NALF1: variants seen among roughly 807,000 people sequenced by gnomAD.
The protein encoded by NALF1 is family with sequence similarity 155 member A.
Under a neutral mutation model 48.4 loss-of-function variants are expected in NALF1, and 3 were observed. That is an observed-to-expected ratio of 0.06 (90% confidence interval 0.03 to 0.16). The LOEUF (loss-of-function observed/expected upper bound fraction) is 0.16, where lower values mean the gene tolerates loss of function less well. Among genes scored for constraint, NALF1 ranks in the 10% least tolerant of loss-of-function variants. The pLI is 1.00. For synonymous variants in NALF1, 262 were observed against 245.7 expected (o/e 1.07, Z -0.62); for missense variants, 526 against 571.5 (o/e 0.92, Z 0.81).
intron 1 of NALF1, among the ~76,000 whole-genome samples, chr13:107,677,632 G>T (rs1003136561): frequency 2.6e-5 from 4 of 152,110 alleles, no homozygotes; most frequent in Non-Finnish European, 4.4e-5. Flanking sequence ...CACTTCTTAT[G>T]AGAACATGTA....
At chr13:107,418,207 G>A (rs1034148635) in intron 1 of NALF1, among the ~76,000 whole-genome samples, 1 of 152,072 alleles carries the variant, frequency 6.6e-6, no homozygotes, top group African/African-American at 2.4e-5. Flanking sequence ...GTGCTCTTTG[G>A]AGACTATCCC....
chr13:107,341,368 G>C (rs762044532), intron 1 of NALF1, among the ~76,000 whole-genome samples: 1 of 152,066 alleles, frequency 6.6e-6, no homozygotes, highest in Non-Finnish European at 1.5e-5. Flanking sequence ...GTGTGTGTGT[G>C]TGTACATATG....
At chr13:107,601,864 G>A (rs1419077010) in intron 1 of NALF1, among the ~76,000 whole-genome samples, 1 of 151,948 alleles carries the variant, frequency 6.6e-6, no homozygotes, top group Admixed American at 6.6e-5. Flanking sequence ...CCCAATATCA[G>A]TTTTACCCAA....
chr13:107,572,109 AAAT>A (rs1878003529), intron 1 of NALF1, among the ~76,000 whole-genome samples: 1 of 152,330 alleles, frequency 6.6e-6, no homozygotes, highest in East Asian at 1.9e-4. Flanking sequence ...GATAATTGAT[AAAT>A]AATATAATTG....
chr13:107,540,412 T>C (rs1876967796), intron 1 of NALF1, among the ~76,000 whole-genome samples: 1 of 152,140 alleles, frequency 6.6e-6, no homozygotes, highest in Non-Finnish European at 1.5e-5. Flanking sequence ...TAAACAACAT[T>C]TAAATTTCTA....
intron 1 of NALF1, among the ~76,000 whole-genome samples, chr13:107,316,546 C>G (rs572160008): frequency 6.6e-6 from 1 of 152,280 alleles, no homozygotes; most frequent in South Asian, 2.1e-4. Flanking sequence ...TCTCCACATC[C>G]TCTCCAGCAC....
At chr13:107,218,437 G>A (rs1462950535) in intron 1 of NALF1, among the ~76,000 whole-genome samples, 4 of 152,108 alleles carry the variant, frequency 2.6e-5, no homozygotes, top group African/African-American at 9.7e-5. Flanking sequence ...TGGCCTTTGG[G>A]CTTGCATAAT....
chr13:107,341,550 G>A (rs1470988027), intron 1 of NALF1, among the ~76,000 whole-genome samples: 1 of 151,816 alleles, frequency 6.6e-6, no homozygotes, highest in African/African-American at 2.4e-5. Context: ...TACTCATGGA[G>A]GTGGTGAGGA....
intron 1 of NALF1, among the ~76,000 whole-genome samples, chr13:107,459,628 A>G (rs1167914619): frequency 6.6e-6 from 1 of 152,216 alleles, no homozygotes; most frequent in African/African-American, 2.4e-5. Flanking sequence ...TTCAAGATAA[A>G]AAAGCCACAC....
intron 1 of NALF1, among the ~76,000 whole-genome samples, chr13:107,744,166 G>C (rs1382487576): frequency 6.6e-6 from 1 of 152,204 alleles, no homozygotes; most frequent in Non-Finnish European, 1.5e-5. Context: ...AGACCTTTGA[G>C]TCAGACAGAC....
intron 1 of NALF1, among the ~76,000 whole-genome samples, chr13:107,734,891 G>A (rs531646846): frequency 5.5e-4 from 84 of 152,168 alleles, no homozygotes; most frequent in African/African-American, 1.9e-3. Flanking sequence ...TTTCTCCACT[G>A]TACTCCAGCC....
intron 1 of NALF1, among the ~76,000 whole-genome samples, chr13:107,540,105 T>C (rs1184293861): frequency 1.3e-5 from 2 of 151,576 alleles, no homozygotes; most frequent in African/African-American, 4.9e-5. Flanking sequence ...GCATTATGAT[T>C]CTGTAGGCAA....
chr13:107,437,135 A>G (rs570416863), intron 1 of NALF1, among the ~76,000 whole-genome samples: 1 of 152,330 alleles, frequency 6.6e-6, no homozygotes, highest in Non-Finnish European at 1.5e-5. Context: ...ACATGAAAAA[A>G]TGTTCAGCAT....
rs1336123887 is a variant in NALF1 at position 107,715,660 on chromosome 13, T to C, written c.915+150022A>G. Among the ~76,000 whole-genome samples, 7 of 152,116 alleles carry C rather than the reference T, an allele frequency of 4.6e-5. No individual in the cohort carries two copies. In the East Asian group the frequency reaches 7.8e-4, roughly 17 times the overall value. Reference sequence around the variant, plus strand: ...TCACGTACAGGAGGACCTTGACAGGTTGCAATGCAAGGGGAAAAGTGAGCC... The same window carrying C: ...TCACGTACAGGAGGACCTTGACAGGCTGCAATGCAAGGGGAAAAGTGAGCC... On this transcript the variant is annotated intron_variant, in intron 1 of 2. Transcript: ENST00000375915.
chr13:107,762,130 A>C (rs1439100241), intron 1 of NALF1, among the ~76,000 whole-genome samples: 1 of 152,146 alleles, frequency 6.6e-6, no homozygotes, highest in Admixed American at 6.5e-5. Flanking sequence ...TCAGGCAATT[A>C]ATACTTATTT....
At chr13:107,221,265 C>A (rs1879986536) in intron 1 of NALF1, among the ~76,000 whole-genome samples, 1 of 151,982 alleles carries the variant, frequency 6.6e-6, no homozygotes, top group African/African-American at 2.4e-5. Flanking sequence ...CCACTTGCAC[C>A]ACTAAAGCTA....
At chr13:107,829,596 T>A (rs979763491) in intron 1 of NALF1, among the ~76,000 whole-genome samples, 4 of 151,882 alleles carry the variant, frequency 2.6e-5, no homozygotes, top group African/African-American at 7.2e-5. Flanking sequence ...AATATTATTA[T>A]AATTAATAAT....
At chr13:107,369,520 T>C (rs1883212878) in intron 1 of NALF1, among the ~76,000 whole-genome samples, 1 of 152,146 alleles carries the variant, frequency 6.6e-6, no homozygotes, top group Non-Finnish European at 1.5e-5. Flanking sequence ...ACCTAGTATA[T>C]ACTTAATAAT....
chr13:107,828,606 T>TACACACACACAC (rs60869824), intron 1 of NALF1, among the ~76,000 whole-genome samples: 34 of 104,004 alleles, frequency 3.3e-4, no homozygotes, highest in South Asian at 8.4e-4. Flanking sequence ...TCTATATCTA[T>TACACACACACAC]ACACACACAC....
Sources: gnomAD v4.1 joint callset for allele counts (sites outside exome capture counted in the v4.1 genomes callset) on GRCh38, gnomAD v4.1.1 for gene constraint, MANE v1.5 for transcripts, NCBI Gene and HGNC (gene_info 2026-07-23, HGNC 2026-07-21) for gene names.